Variants in MOV10 observed in about 807,000 individuals in gnomAD.
The protein encoded by MOV10 is Mov10 RNA helicase.
In MOV10, 39 loss-of-function variants were observed where a neutral mutation model predicts 108.4. The ratio of observed to expected loss-of-function variants is 0.36; its 90% CI spans 0.28 to 0.47. The LOEUF (loss-of-function observed/expected upper bound fraction) is 0.47, where lower values mean the gene tolerates loss of function less well. Among genes scored for constraint, MOV10 ranks in the 20% least tolerant of loss-of-function variants. The pLI is 1.00. For missense variants in MOV10, 952 were observed against 1,297.6 expected, an observed-to-expected ratio of 0.73 and a Z score of 4.09; for synonymous variants, 490 against 523.1, an observed-to-expected ratio of 0.94 and a Z score of 0.86.
At chr1:112,697,081 G>A (rs1674171492) in intron 14 of MOV10, among the ~76,000 whole-genome samples, 1 of 152,166 alleles carries the variant, frequency 6.6e-6, no homozygotes, top group Non-Finnish European at 1.5e-5. Context: ...CTTAGGGGGT[G>A]GTCAGTGGTT....
At position 112,689,919 on chromosome 1, in the gene MOV10, G is replaced by A; in HGVS notation, c.657G>A (p.Leu219=). 1 of 1,614,164 alleles carries A rather than the reference G, an allele frequency of 6.2e-7. No homozygotes were observed. Among genetic ancestry groups the A allele is most frequent in the Non-Finnish European group, 8.5e-7 (1 of 1,180,030 alleles). Residue 219 remains leucine (L), a synonymous_variant, in exon 5 of 21, where the codon CTG becomes CTA. Coordinates refer to ENST00000369645, the MANE Select transcript of MOV10 (RefSeq NM_001321324.2). The part of the protein sequence containing the change: ...YFPATVLWEL[L]GPGESGSEGA... Reference sequence around the variant, plus strand: ...CAGCCACAGTGCTCTGGGAGCTGCTGGGACCTGGGGAGTCGGGTTCAGAAG... The same window carrying A: ...CAGCCACAGTGCTCTGGGAGCTGCTAGGACCTGGGGAGTCGGGTTCAGAAG...
intron 2 of MOV10, chr1:112,687,178 A>G: frequency 5.7e-6 from 2 of 349,282 alleles, no homozygotes; most frequent in South Asian, 2.2e-5. Context: ...AATACTAACA[A>G]TAGTAGCTAA....
At chr1:112,693,820 A>G (rs571954331) in intron 7 of MOV10, 198 bp from the exon 8 acceptor site, 2 of 523,710 alleles carry the variant, frequency 3.8e-6, no homozygotes, top group South Asian at 4.9e-5. Context: ...GCAGCTTCGG[A>G]GGATTTGTCT....
At chr1:112,676,518 GAA>G (rs1672210971) in intron 2 of MOV10, among the ~76,000 whole-genome samples, 1 of 152,208 alleles carries the variant, frequency 6.6e-6, no homozygotes, top group South Asian at 2.1e-4. Flanking sequence ...CAATAGGAAA[GAA>G]GAGAGTTGGA....
At chr1:112,689,165 A>G (rs1427440483) in intron 3 of MOV10, 27 bp downstream of exon 3, 4 of 1,567,482 alleles carry the variant, frequency 2.6e-6, no homozygotes, top group Non-Finnish European at 3.5e-6. Flanking sequence ...TGTTGTGTGT[A>G]CGGGGAGGTC....
chr1:112,689,206 G>A, intron 3 of MOV10, 68 bp downstream of exon 3: 1 of 1,477,828 alleles, frequency 6.8e-7, no homozygotes, highest in Non-Finnish European at 9.3e-7. Flanking sequence ...GGCTATCTGT[G>A]TGAGGAAAGA....
At chr1:112,690,667 CTG>C (rs1673504273) in intron 5 of MOV10, among the ~76,000 whole-genome samples, 1 of 152,146 alleles carries the variant, frequency 6.6e-6, no homozygotes, top group African/African-American at 2.4e-5. Flanking sequence ...GCCAACATCT[CTG>C]TTTTTTTAAA....
chr1:112,696,273 GTC>G, intron 12 of MOV10, 22 bp downstream of exon 12: 1 of 1,546,752 alleles, frequency 6.5e-7, no homozygotes, highest in Non-Finnish European at 8.9e-7. Flanking sequence ...GTGTGGGTGT[GTC>G]TCTGAATCGT....
Position 112,675,604 on chromosome 1 carries a change from A to C in MOV10, c.137+555A>C, listed in dbSNP as rs971802607. On this transcript the variant is annotated intron_variant, in intron 2 of 20. Coordinates refer to ENST00000369645, the MANE Select transcript of MOV10 (RefSeq NM_001321324.2). The surrounding 1 kb of genome is among the most constrained non-coding windows in gnomAD (Gnocchi z 4.7). ...AGCTCTGGAAAGAAGAAAAGGGCAC[A>C]AACTACGTGCGTACCAAACCTCCAT... Among the ~76,000 whole-genome samples the C allele has an allele frequency of 5.3e-5, 8 of 152,222 alleles. No individual in the cohort carries two copies. Among genetic ancestry groups the C allele is most frequent in the Admixed American group, 4.6e-4 (7 of 15,282 alleles).
In MOV10 at chr1:112,700,647, C is replaced by T. The variant is rs1207599406; in HGVS notation, c.*140C>T. 2 of 1,540,606 alleles carry T rather than the reference C, an allele frequency of 1.3e-6. No individual in the cohort carries two copies. The highest frequency in any genetic ancestry group is 4.9e-5 in the East Asian group (2 of 40,908). On this transcript the variant is annotated 3_prime_UTR_variant, in exon 21 of 21. Coordinates refer to ENST00000369645, the MANE Select transcript of MOV10 (RefSeq NM_001321324.2). ...TACAACCCAAGCCATTCCACCCCCT[C>T]CCCTGCTGGGGAGAATGACACATCA...
Position 112,694,292 on chromosome 1 carries a change from C to T in MOV10, c.1295+120C>T. The T allele has an allele frequency of 1.4e-6, 2 of 1,439,128 alleles. No homozygotes were observed. The highest frequency in any genetic ancestry group is 9.6e-7 in the Non-Finnish European group (1 of 1,039,930). 89.1% of individuals were successfully genotyped at this position (1,439,128 alleles called of 1,614,324 possible). A position where few individuals can be genotyped will look rare whatever the true frequency, so the allele number is the denominator to read the frequency against. Reference sequence around the variant, plus strand: ...CGGGGCAGAGCAGGAGACTTTTCCTCAGGGGTACCCTGAGATGCTACGGCA... The same window carrying T: ...CGGGGCAGAGCAGGAGACTTTTCCTTAGGGGTACCCTGAGATGCTACGGCA... On this transcript the variant is annotated intron_variant, in intron 8 of 20. Transcript: ENST00000369645. The surrounding 1 kb of genome is among the most constrained non-coding windows in gnomAD (Gnocchi z 4.1).
At chr1:112,698,207 T>C in intron 15 of MOV10, 80 bp from the exon 16 acceptor site, 1 of 1,599,280 alleles carries the variant, frequency 6.3e-7, no homozygotes, top group Non-Finnish European at 8.6e-7. Context: ...TAGGATCTCT[T>C]ACTCTCTGGA....
rs546068330 is a variant in MOV10 at position 112,688,855 on chromosome 1, C to T, written c.138-80C>T. 5.6e-6 allele frequency: 9 copies of T among 1,596,512 alleles called. 1 individual carries two copies. Among genetic ancestry groups the T allele is most frequent in the South Asian group, 5.6e-5 (5 of 89,504 alleles). On this transcript the variant is annotated intron_variant, in intron 2 of 20. Transcript: ENST00000369645. Reference sequence around the variant, plus strand: ...GTGTGTCCAGCACAGAGTGACCCTCCGATGCCCTTTCCCACCCGCCGCCCT... The same window carrying T: ...GTGTGTCCAGCACAGAGTGACCCTCTGATGCCCTTTCCCACCCGCCGCCCT...
At chr1:112,677,109 T>G (rs1221982681) in intron 2 of MOV10, among the ~76,000 whole-genome samples, 1 of 152,184 alleles carries the variant, frequency 6.6e-6, no homozygotes, top group Non-Finnish European at 1.5e-5. Context: ...AAGATGGCAT[T>G]GACTTTAGCC....
chr1:112,699,637 C>G, intron 17 of MOV10, 48 bp from the exon 18 acceptor site: 2 of 1,612,150 alleles, frequency 1.2e-6, no homozygotes, highest in Non-Finnish European at 1.7e-6. Flanking sequence ...GTAGGGCACC[C>G]CTTTGACACC....
rs6679 is a variant in MOV10 at position 112,700,426 on chromosome 1, C to T, written c.2931C>T (p.Ser977=). The T allele has an allele frequency of 0.23, 369,252 of 1,613,142 alleles. 46,912 individuals carry two copies. The highest frequency in any genetic ancestry group is 0.57 in the East Asian group (25,483 of 44,810). ...KLSPSTSGPH[S]HDYLPQEREG... Reference sequence around the variant, plus strand: ...TTTCTCTCTTTCCAGGGCCCCACAGCCATGACTACCTCCCCCAGGAGCGGG... The same window carrying T: ...TTTCTCTCTTTCCAGGGCCCCACAGTCATGACTACCTCCCCCAGGAGCGGG... Residue 977 remains serine (S), a synonymous_variant, in exon 21 of 21, where the codon AGC becomes AGT. Coordinates refer to ENST00000369645, the MANE Select transcript of MOV10 (RefSeq NM_001321324.2).
chr1:112,681,826 T>C (rs1672675231), intron 2 of MOV10, among the ~76,000 whole-genome samples: 1 of 151,124 alleles, frequency 6.6e-6, no homozygotes, highest in South Asian at 2.1e-4. Flanking sequence ...ATTAATTATT[T>C]AGCGTGATTA....
chr1:112,697,774 G>A (rs920540007), intron 14 of MOV10: 2 of 571,788 alleles, frequency 3.5e-6, no homozygotes, highest in Non-Finnish European at 6.3e-6. Flanking sequence ...TCATGGGTCT[G>A]TGGAGTCCCT....
At position 112,695,441 on chromosome 1, in the gene MOV10, A is replaced by T; in HGVS notation, c.1646A>T (p.His549Leu). ...KQVVKHLPKAHILACAPSNSG... is the reference protein window; with the variant it reads ...KQVVKHLPKALILACAPSNSG... The stretch of plus-strand genomic sequence containing the variant: ...GTGGTGAAGCACTTGCCCAAAGCCC[A>T]CATCTTGGCCTGCGCTCCATCCAAC... Residue 549 changes from histidine to leucine, a missense_variant, in exon 11 of 21, where the codon CAC (histidine) becomes CTC (leucine). His to Leu is a moderately conservative substitution (Grantham distance 99). This residue lies in a region of MOV10 where 453 missense variants were observed against 611.5 expected (regional missense o/e 0.74). Coordinates refer to ENST00000369645, the MANE Select transcript of MOV10 (RefSeq NM_001321324.2). The T allele has an allele frequency of 6.2e-7, 1 of 1,614,164 alleles. No individual in the cohort carries two copies. The highest frequency in any genetic ancestry group is 8.5e-7 in the Non-Finnish European group (1 of 1,180,020).
Sources: allele counts gnomAD v4.1 joint callset (sites outside exome capture counted in the v4.1 genomes callset), GRCh38; gene constraint gnomAD v4.1.1; regional missense constraint gnomAD v4.1.1; non-coding constraint Gnocchi (gnomAD v3.1); transcripts MANE v1.5; gene names NCBI Gene and HGNC (gene_info 2026-07-23, HGNC 2026-07-21).